The following ATP9B variants were observed in gnomAD, a reference collection of about 807,000 sequenced individuals.
The protein encoded by ATP9B is ATPase phospholipid transporting 9B.
ATP9B carries 110 observed loss-of-function variants against 146.1 expected under a neutral mutation model. That is an observed-to-expected ratio of 0.75 (90% CI 0.65 to 0.88). The LOEUF (loss-of-function observed/expected upper bound fraction) is 0.88, where lower values mean the gene tolerates loss of function less well. Among genes scored for constraint, ATP9B ranks in the 40% least tolerant of loss-of-function variants. The pLI, the probability that ATP9B is intolerant of heterozygous loss-of-function variation, is 0.00. For missense variants in ATP9B, 1,499 were observed against 1,496.4 expected, an observed-to-expected ratio of 1.00 and a Z score of -0.03; for synonymous variants, 604 against 569.7, an observed-to-expected ratio of 1.06 and a Z score of -0.86.
At chr18:79,322,447 A>T (rs2096721386) in intron 15 of ATP9B, among the ~76,000 whole-genome samples, 1 of 152,190 alleles carries the variant, frequency 6.6e-6, no homozygotes, top group Admixed American at 6.5e-5. Flanking sequence ...CCCTCGGGGC[A>T]CGGTCAGGCA....
chr18:79,176,924 C>G lies in ATP9B; in HGVS notation c.873+17C>G, dbSNP rs1471214325. ...GCTCTGGGGGTGAGCAGCACCAAGA[C>G]TACTCCATCCTTTTATCTTCAATGG... On this transcript the variant is annotated intron_variant, in intron 8 of 29. Coordinates refer to ENST00000426216, the MANE Select transcript of ATP9B (RefSeq NM_198531.5). 6.2e-7 allele frequency: 1 copy of G among 1,602,894 alleles called. No individual in the cohort carries two copies. Among genetic ancestry groups the G allele is most frequent in the Non-Finnish European group, 8.5e-7 (1 of 1,172,106 alleles).
intron 15 of ATP9B, among the ~76,000 whole-genome samples, chr18:79,327,628 T>TGCCCTCCGTGGTTAGC: frequency 1.6e-5 from 1 of 61,660 alleles, no homozygotes; most frequent in African/African-American, 7.0e-5. Flanking sequence ...CCCTGGTTAG[T>TGCCCTCCGTGGTTAGC]GTGCCCTCCC....
At chr18:79,343,665 T>G (rs145395731) in intron 20 of ATP9B, 1 of 153,920 alleles carries the variant, frequency 6.5e-6, no homozygotes, top group Non-Finnish European at 1.4e-5. Context: ...GAGAGCGTCC[T>G]GTCTCTTACC....
At chr18:79,369,731 C>T (rs2097058449) in intron 26 of ATP9B, among the ~76,000 whole-genome samples, 1 of 152,178 alleles carries the variant, frequency 6.6e-6, no homozygotes, top group Admixed American at 6.5e-5. Flanking sequence ...TGCTCTGTGC[C>T]CCACAGCACT....
intron 9 of ATP9B, among the ~76,000 whole-genome samples, chr18:79,202,176 C>G (rs1438756912): frequency 1.3e-5 from 2 of 152,208 alleles, no homozygotes; most frequent in Non-Finnish European, 2.9e-5. Flanking sequence ...GTGATGGTGT[C>G]TGCTTCCTCT....
At chr18:79,270,009 G>T (rs970792345) in intron 12 of ATP9B, among the ~76,000 whole-genome samples, 2 of 152,202 alleles carry the variant, frequency 1.3e-5, no homozygotes, top group African/African-American at 2.4e-5. Context: ...CTGTTTGCCT[G>T]GTCAGCTTTG....
intron 9 of ATP9B, among the ~76,000 whole-genome samples, chr18:79,205,940 C>CTT (rs571170067): frequency 2.1e-5 from 3 of 144,752 alleles, no homozygotes; most frequent in African/African-American, 5.0e-5. Context: ...TAACAGCATA[C>CTT]TTTTTTTTTT....
intron 17 of ATP9B, among the ~76,000 whole-genome samples, chr18:79,331,366 A>T (rs1047178527): frequency 6.6e-6 from 1 of 152,268 alleles, no homozygotes; most frequent in African/African-American, 2.4e-5. Flanking sequence ...ACTTTTGGTC[A>T]TAATGATGTG....
chr18:79,360,536 A>G (rs1800119401), intron 26 of ATP9B: 1 of 152,226 alleles, frequency 6.6e-6, no homozygotes, highest in Non-Finnish European at 1.5e-5. Flanking sequence ...ACAGCTAACC[A>G]CTAACAAGCT....
chr18:79,185,529 T>C (rs1188729231), intron 8 of ATP9B, among the ~76,000 whole-genome samples: 4 of 152,216 alleles, frequency 2.6e-5, no homozygotes, highest in Non-Finnish European at 5.9e-5. Context: ...TTTTAATTTT[T>C]GCTGTTACCA....
intron 26 of ATP9B, chr18:79,359,776 A>G (rs1600366387): frequency 3.2e-6 from 1 of 311,016 alleles, no homozygotes; most frequent in East Asian, 7.0e-5. Context: ...TGAGCTCACC[A>G]AATGTCAGAG....
At chr18:79,149,853 G>A (rs1367898738) in intron 6 of ATP9B, among the ~76,000 whole-genome samples, 3 of 152,014 alleles carry the variant, frequency 2.0e-5, no homozygotes, top group Non-Finnish European at 2.9e-5. Flanking sequence ...GAGGTCGAAG[G>A]GGACGGATCA....
intron 13 of ATP9B, among the ~76,000 whole-genome samples, chr18:79,286,629 G>T (rs1462327466): frequency 5.9e-5 from 9 of 151,882 alleles, no homozygotes; most frequent in Non-Finnish European, 8.8e-5. Context: ...CTGCCTAATT[G>T]CCCTGGCCAG....
chr18:79,170,755 T>G (rs943343190), intron 7 of ATP9B, among the ~76,000 whole-genome samples: 1 of 152,200 alleles, frequency 6.6e-6, no homozygotes, highest in Non-Finnish European at 1.5e-5. Context: ...CATGTCAGAT[T>G]AGTTCGTCTG....
At chr18:79,290,644 A>G (rs1402792104) in intron 13 of ATP9B, among the ~76,000 whole-genome samples, 1 of 151,968 alleles carries the variant, frequency 6.6e-6, no homozygotes, top group African/African-American at 2.4e-5. Flanking sequence ...ACTGTCTGGC[A>G]CTCCCTAGTG....
chr18:79,263,115 A>C (rs961767534), intron 12 of ATP9B, among the ~76,000 whole-genome samples: 7 of 152,188 alleles, frequency 4.6e-5, no homozygotes, highest in African/African-American at 1.7e-4. Context: ...TATATTTATG[A>C]GATACAATGT....
intron 29 of ATP9B, 188 bp downstream of exon 29, chr18:79,375,614 C>T: frequency 2.0e-6 from 2 of 985,472 alleles, no homozygotes; most frequent in Non-Finnish European, 2.4e-6. Flanking sequence ...GTTGGCTTGC[C>T]TGTTCAGGGG....
chr18:79,264,412 A>G (rs1454196790), intron 12 of ATP9B, among the ~76,000 whole-genome samples: 1 of 152,210 alleles, frequency 6.6e-6, no homozygotes, highest in Non-Finnish European at 1.5e-5. Context: ...TATATATTTT[A>G]GATGCCAAGG....
At chr18:79,080,919 G>A (rs533339763) in intron 1 of ATP9B, among the ~76,000 whole-genome samples, 3 of 152,236 alleles carry the variant, frequency 2.0e-5, no homozygotes, top group African/African-American at 7.2e-5. Flanking sequence ...GATGGATTAC[G>A]TTTATTGATT....
Sources: gnomAD v4.1 joint callset for allele counts (sites outside exome capture counted in the v4.1 genomes callset) on GRCh38, gnomAD v4.1.1 for gene constraint, MANE v1.5 for transcripts, NCBI Gene and HGNC (gene_info 2026-07-23, HGNC 2026-07-21) for gene names.